The following TOX variants were observed in gnomAD, a reference collection of about 807,000 sequenced individuals.
TOX encodes thymocyte selection associated high mobility group box.
A neutral mutation model predicts 53.7 loss-of-function variants in TOX; 11 were observed. The ratio of observed to expected loss-of-function variants is 0.20; its 90% CI spans 0.13 to 0.34. The LOEUF (loss-of-function observed/expected upper bound fraction) is 0.34, where lower values mean the gene tolerates loss of function less well. TOX is among the 10% of genes least tolerant of loss of function. The pLI, the probability that TOX is intolerant of heterozygous loss-of-function variation, is 1.00. For missense variants in TOX, 570 were observed against 664.6 expected (o/e 0.86, Z 1.56); for synonymous variants, 225 against 245.3 (o/e 0.92, Z 0.77).
intron 1 of TOX, among the ~76,000 whole-genome samples, chr8:58,998,519 A>T (rs1236109079): frequency 4.7e-4 from 57 of 120,908 alleles, no homozygotes; most frequent in African/African-American, 7.9e-4. Context: ...ATATATATAT[A>T]TATATATATA....
intron 2 of TOX, among the ~76,000 whole-genome samples, chr8:58,944,508 A>G (rs906409688): frequency 6.6e-5 from 10 of 152,214 alleles, no homozygotes; most frequent in African/African-American, 2.4e-4. Flanking sequence ...AGGCGAGAAT[A>G]CGCATGACTT....
Position 59,092,283 on chromosome 8 carries a change from T to TATATATA in TOX, c.102+26596_102+26602dup, listed in dbSNP as rs1804628123. Among the ~76,000 whole-genome samples the TATATATA allele has an allele frequency of 6.9e-5, 6 of 87,382 alleles. 1 individual carries two copies. The highest frequency in any genetic ancestry group is 7.8e-4 in the South Asian group (2 of 2,562). The allele number at this position is 87,382 out of a possible 152,430, so 57.3% of individuals were successfully genotyped here. A position where few individuals can be genotyped will look rare whatever the true frequency, so the allele number is the denominator to read the frequency against. ...ATATATTTTATATATATATATATATTATATATACATTATATATATTATATA... is the reference window on the plus strand; with the variant it reads ...ATATATTTTATATATATATATATATTATATATAATATATACATTATATATATTATATA... On this transcript the variant is annotated intron_variant, in intron 1 of 8. Coordinates refer to ENST00000361421, the MANE Select transcript of TOX (RefSeq NM_014729.3).
At chr8:58,979,881 A>T (rs533077719) in intron 1 of TOX, among the ~76,000 whole-genome samples, 60 of 152,308 alleles carry the variant, frequency 3.9e-4, no homozygotes, top group African/African-American at 1.3e-3. Flanking sequence ...GAGCATAGAA[A>T]GTTGGTACAT....
chr8:58,859,101 A>G lies in TOX; in HGVS notation c.412-7296T>C, dbSNP rs1810964697. Among the ~76,000 whole-genome samples, 6 of 152,216 alleles carry G rather than the reference A, an allele frequency of 3.9e-5. No individual in the cohort carries two copies. The South Asian group carries it at 1.0e-3, about 26-fold the overall frequency. On this transcript the variant is annotated intron_variant, in intron 3 of 8. Transcript: ENST00000361421. ...TTTGTTGTCCAAACACATTAAATAA[A>G]TCGTTTTTACGTGACCTTCTTGTGA...
intron 1 of TOX, among the ~76,000 whole-genome samples, chr8:59,021,477 A>ATATAT (rs1187458598): frequency 1.6e-5 from 1 of 61,414 alleles, no homozygotes; most frequent in East Asian, 4.7e-4. Context: ...AAAAAAAAAA[A>ATATAT]AAAAATATAT....
chr8:58,859,854 G>A (rs1810977470), intron 3 of TOX, among the ~76,000 whole-genome samples: 1 of 151,948 alleles, frequency 6.6e-6, no homozygotes, highest in East Asian at 1.9e-4. Context: ...CAGTTTTGGT[G>A]TTTGTTTGTT....
At chr8:58,957,356 T>C (rs1257997713) in intron 2 of TOX, among the ~76,000 whole-genome samples, 3 of 152,220 alleles carry the variant, frequency 2.0e-5, no homozygotes, top group Non-Finnish European at 4.4e-5. Flanking sequence ...GAGTTTTTAT[T>C]ATATACTTGT....
At chr8:58,964,349 G>A (rs979693011) in intron 1 of TOX, among the ~76,000 whole-genome samples, 2 of 152,086 alleles carry the variant, frequency 1.3e-5, no homozygotes, top group African/African-American at 4.8e-5. Flanking sequence ...TTGAAATCTC[G>A]TGGTTGGACA....
At chr8:58,915,107 C>T (rs1391773025) in intron 3 of TOX, among the ~76,000 whole-genome samples, 4 of 150,628 alleles carry the variant, frequency 2.7e-5, no homozygotes, top group East Asian at 3.9e-4. Flanking sequence ...AACTGCAAGG[C>T]GGCAACGAGG....
chr8:58,838,204 G>C lies in TOX; in HGVS notation c.801C>G (p.Ala267=). The C allele has an allele frequency of 1.2e-6, 2 of 1,614,158 alleles. No individual in the cohort carries two copies. Among genetic ancestry groups the C allele is most frequent in the South Asian group, 1.1e-5 (1 of 91,080 alleles). ...GAGTATCACGAAAGAATAACGCATA[G>C]GCAGACACAGGCTTCTGGGGCTCAT... is the stretch of plus-strand genomic sequence containing the variant. ...DPNEPQKPVS[A]YALFFRDTQA... Residue 267 remains alanine, a synonymous_variant, in exon 5 of 9, where the codon GCC becomes GCG. Transcript: ENST00000361421.
chr8:58,857,499 A>G (rs78854585), intron 3 of TOX, among the ~76,000 whole-genome samples: 10,276 of 152,228 alleles, frequency 0.068, 1,162 homozygotes, highest in African/African-American at 0.23. Flanking sequence ...AAAATAATGA[A>G]GGGGTATTAT....
chr8:59,094,513 A>G (rs2014380), intron 1 of TOX, among the ~76,000 whole-genome samples: 53,440 of 151,734 alleles, frequency 0.35, 13,046 homozygotes, highest in African/African-American at 0.69. Context: ...TGGCACACGC[A>G]TATAGGTATT....
intron 3 of TOX, among the ~76,000 whole-genome samples, chr8:58,883,963 A>C (rs944163453): frequency 6.6e-6 from 1 of 152,170 alleles, no homozygotes; most frequent in African/African-American, 2.4e-5. Context: ...AAGAAGCAAC[A>C]AGGTCAGTTT....
At chr8:59,103,714 A>G (rs1229953166) in intron 1 of TOX, among the ~76,000 whole-genome samples, 1 of 152,186 alleles carries the variant, frequency 6.6e-6, no homozygotes. Context: ...ACCTTCAAAA[A>G]CGCCAACAGA....
intron 3 of TOX, among the ~76,000 whole-genome samples, chr8:58,908,910 A>G (rs1811865208): frequency 6.6e-6 from 1 of 152,250 alleles, no homozygotes; most frequent in Non-Finnish European, 1.5e-5. Flanking sequence ...TCTTATATGA[A>G]GTTGAAAACT....
chr8:58,852,727 A>G (rs1008186995), intron 3 of TOX, among the ~76,000 whole-genome samples: 1 of 152,156 alleles, frequency 6.6e-6, no homozygotes, highest in Non-Finnish European at 1.5e-5. Flanking sequence ...TTTCATCCTG[A>G]GGGGAGCTGA....
rs1266232825 is a variant in TOX at position 58,806,527 on chromosome 8, G to C, written c.*1220C>G. On this transcript the variant is annotated 3_prime_UTR_variant, in exon 9 of 9. Transcript: ENST00000361421. ...GTCTGTTTGTTTAGTCTTGGAGCTT[G>C]TGTGACTTGGAGGGCAATTCTGTTA... The C allele has an allele frequency of 6.6e-6, 1 of 152,356 alleles. No individual in the cohort carries two copies. Among genetic ancestry groups the C allele is most frequent in the Non-Finnish European group, 1.5e-5 (1 of 68,036 alleles). 9.4% of individuals were successfully genotyped at this position (152,356 alleles called of 1,614,324 possible). A position where few individuals can be genotyped will look rare whatever the true frequency, so the allele number is the denominator to read the frequency against.
intron 4 of TOX, 61 bp from the exon 5 acceptor site, chr8:58,838,372 T>C: frequency 7.0e-7 from 1 of 1,421,554 alleles, no homozygotes; most frequent in South Asian, 1.2e-5. Context: ...ACAAGACATA[T>C]CGTTGTTTTC....
chr8:58,828,165 C>T (rs1022257699), intron 5 of TOX, among the ~76,000 whole-genome samples: 4 of 152,192 alleles, frequency 2.6e-5, no homozygotes, highest in African/African-American at 9.7e-5. Context: ...CTGTGGTTTG[C>T]TGAGCCCAAC....
Sources: allele counts gnomAD v4.1 joint callset (sites outside exome capture counted in the v4.1 genomes callset), GRCh38; gene constraint gnomAD v4.1.1; transcripts MANE v1.5; gene names NCBI Gene and HGNC (gene_info 2026-07-23, HGNC 2026-07-21).